ACP3: variants seen among roughly 807,000 people sequenced by gnomAD.
ACP3 encodes the protein prostatic acid phosphatase.
ACP3 carries 38 observed loss-of-function variants against 45.6 expected under a neutral mutation model. The observed-to-expected ratio is 0.83, with a 90% confidence interval of 0.64 to 1.09. The LOEUF (loss-of-function observed/expected upper bound fraction) is 1.09, where lower values mean the gene tolerates loss of function less well. ACP3 is among the 50% of genes least tolerant of loss of function. The pLI is 0.00. For synonymous variants in ACP3, 162 were observed against 164.7 expected (o/e 0.98, Z 0.13); for missense variants, 466 against 463.2 (o/e 1.01, Z -0.05).
rs1314536800 is a variant in ACP3 at position 132,358,401 on chromosome 3, C to G, written c.*1523C>G. On this transcript the variant is annotated 3_prime_UTR_variant, in exon 10 of 10. Coordinates refer to ENST00000336375, the MANE Select transcript of ACP3 (RefSeq NM_001099.5). The stretch of plus-strand genomic sequence containing the variant: ...TTTAATGCCGATATCTTCAGAAAAC[C>G]TAAGCAAACTTACAGGTCCTGCTGA... 4.0e-6 allele frequency: 5 copies of G among 1,252,870 alleles called. No homozygotes were observed. Among genetic ancestry groups the G allele is most frequent in the Non-Finnish European group, 5.2e-6 (5 of 966,376 alleles). 77.6% of individuals were successfully genotyped at this position (1,252,870 alleles called of 1,614,324 possible).
rs372370624 is a variant in ACP3, at chr3:132,327,715, C to T, written c.121-552C>T. ...GCGCCTGTAGTCCCAGCTACTCAGG[C>T]GGCTGAGGCAGGAGAATTGCTTGAA... On this transcript the variant is annotated intron_variant, in intron 1 of 9. Coordinates refer to ENST00000336375, the MANE Select transcript of ACP3 (RefSeq NM_001099.5). Among the ~76,000 whole-genome samples, 25 of 150,994 alleles carry T rather than the reference C, an allele frequency of 1.7e-4. 2 individuals carry two copies. Among genetic ancestry groups the T allele is most frequent in the Admixed American group, 4.6e-4 (7 of 15,152 alleles).
At position 132,358,537 on chromosome 3, in the gene ACP3, T is replaced by G. The variant is rs1804132; in HGVS notation, c.*1659T>G. 2.6e-6 allele frequency: 3 copies of G among 1,175,568 alleles called. No individual in the cohort carries two copies. Among genetic ancestry groups the G allele is most frequent in the Non-Finnish European group, 3.3e-6 (3 of 919,412 alleles). The allele number at this position is 1,175,568 out of a possible 1,614,324, so 72.8% of individuals were successfully genotyped here. On this transcript the variant is annotated 3_prime_UTR_variant, in exon 10 of 10. Transcript: ENST00000336375. ...CATTATGGATAAAGATGAGATGGTTTCTAGAGATGGTTTCTACTGGCTGCC... is the reference window on the plus strand; with the variant it reads ...CATTATGGATAAAGATGAGATGGTTGCTAGAGATGGTTTCTACTGGCTGCC...
chr3:132,347,197 C>T (rs1353127997), intron 7 of ACP3, among the ~76,000 whole-genome samples: 1 of 152,224 alleles, frequency 6.6e-6, no homozygotes, highest in Non-Finnish European at 1.5e-5. Flanking sequence ...AACCAGCTGT[C>T]CTGCTTTCTG....
At chr3:132,350,732 C>T (rs1304190779) in intron 8 of ACP3, among the ~76,000 whole-genome samples, 1 of 152,172 alleles carries the variant, frequency 6.6e-6, no homozygotes, top group East Asian at 1.9e-4. Context: ...TGTCCTGCTG[C>T]TTCTTTGTTT....
At chr3:132,339,474 C>T (rs866966094) in intron 5 of ACP3, among the ~76,000 whole-genome samples, 4 of 152,212 alleles carry the variant, frequency 2.6e-5, no homozygotes, top group Admixed American at 6.5e-5. Context: ...ACCCCCAACC[C>T]GCCACCTCAG....
At chr3:132,332,050 GTAT>G (rs1937407756) in intron 3 of ACP3, 139 bp from the exon 4 acceptor site, 17 of 999,336 alleles carry the variant, frequency 1.7e-5, no homozygotes, top group Non-Finnish European at 2.5e-5. Context: ...TCCTTAACAA[GTAT>G]TATGATTCTG....
At chr3:132,332,022 G>C (rs931238355) in intron 3 of ACP3, among the ~76,000 whole-genome samples, 170 bp from the exon 4 acceptor site, 1 of 152,184 alleles carries the variant, frequency 6.6e-6, no homozygotes, top group African/African-American at 2.4e-5. Flanking sequence ...TTTGTACCAT[G>C]ATCATAATAT....
rs769347466 is a variant in ACP3 at position 132,352,752 on chromosome 3, G to A, written c.897G>A (p.Ala299=). 1.7e-5 allele frequency: 28 copies of A among 1,613,680 alleles called. No homozygotes were observed. The highest frequency in any genetic ancestry group is 6.7e-5 in the Admixed American group (4 of 59,996). The change falls in exon 9 of 10, where the codon GCG becomes GCA. Residue 299 remains alanine (A), a synonymous_variant. Coordinates refer to ENST00000336375, the MANE Select transcript of ACP3 (RefSeq NM_001099.5). ...HDTTVSGLQM[A]LDVYNGLLPP... ...CTACTGTGAGTGGCCTACAGATGGCGCTAGATGTTTACAACGGACTCCTTC... is the reference window on the plus strand; with the variant it reads ...CTACTGTGAGTGGCCTACAGATGGCACTAGATGTTTACAACGGACTCCTTC...
At chr3:132,330,832 T>C (rs1937386935) in intron 2 of ACP3, among the ~76,000 whole-genome samples, 1 of 152,194 alleles carries the variant, frequency 6.6e-6, no homozygotes, top group East Asian at 1.9e-4. Context: ...TACATGCATC[T>C]GAATCACTTG....
chr3:132,338,689 GT>G (rs1937520831), intron 5 of ACP3, among the ~76,000 whole-genome samples: 1 of 152,160 alleles, frequency 6.6e-6, no homozygotes. Flanking sequence ...TGCCAATCTG[GT>G]AAGTGGAAAA....
At chr3:132,323,339 T>C (rs1359141019) in intron 1 of ACP3, among the ~76,000 whole-genome samples, 1 of 152,322 alleles carries the variant, frequency 6.6e-6, no homozygotes, top group African/African-American at 2.4e-5. Context: ...TATTACTATG[T>C]TCCAGGCACT....
intron 8 of ACP3, among the ~76,000 whole-genome samples, chr3:132,351,237 G>C (rs1184907948): frequency 6.6e-6 from 1 of 152,174 alleles, no homozygotes; most frequent in Non-Finnish European, 1.5e-5. Flanking sequence ...AGCTACATTT[G>C]GGAGTAGAAA....
chr3:132,356,599 C>G (rs1937903876), intron 9 of ACP3, 87 bp from the exon 10 acceptor site: 1 of 1,598,404 alleles, frequency 6.3e-7, no homozygotes, highest in Non-Finnish European at 8.5e-7. Context: ...CCTCAACTGG[C>G]ATGTAATAGT....
At chr3:132,360,665 T>G (rs962480061), downstream of ACP3, among the ~76,000 whole-genome samples, 1 of 152,250 alleles carries the variant, frequency 6.6e-6, no homozygotes, top group African/African-American at 2.4e-5. Flanking sequence ...CATTCAGACT[T>G]TCTTCACTAG....
At chr3:132,325,022 T>G (rs1197482438) in intron 1 of ACP3, among the ~76,000 whole-genome samples, 1 of 152,232 alleles carries the variant, frequency 6.6e-6, no homozygotes, top group Non-Finnish European at 1.5e-5. Context: ...TAAAGTATTT[T>G]TAGGTTTTTA....
intron 6 of ACP3, 51 bp from the exon 7 acceptor site, chr3:132,344,876 G>T (rs945776077): frequency 2.7e-5 from 43 of 1,594,858 alleles, no homozygotes; most frequent in Admixed American, 2.4e-4. Context: ...TCAACAAAGA[G>T]GACAGTCATA....
intron 4 of ACP3, among the ~76,000 whole-genome samples, chr3:132,333,718 T>A (rs1401907797): frequency 1.3e-5 from 2 of 152,210 alleles, no homozygotes; most frequent in African/African-American, 4.8e-5. Context: ...GTGTTAAGCA[T>A]TTGTGAATAT....
intron 4 of ACP3, among the ~76,000 whole-genome samples, chr3:132,337,165 G>A (rs941472913): frequency 1.1e-4 from 16 of 151,992 alleles, no homozygotes; most frequent in South Asian, 2.1e-4. Flanking sequence ...AGTTATTCAC[G>A]TGGAAGATCG....
At chr3:132,367,762 A>G (rs747138234) in exon 11 of ACP3, 1 of 1,613,818 alleles carries the variant, frequency 6.2e-7, no homozygotes, top group Middle Eastern at 1.6e-4. Flanking sequence ...TAATGGTACT[A>G]CTGTTTATCC....
Sources: gnomAD v4.1 joint callset for allele counts (sites outside exome capture counted in the v4.1 genomes callset) on GRCh38, gnomAD v4.1.1 for gene constraint, MANE v1.5 for transcripts, NCBI Gene and HGNC (gene_info 2026-07-23, HGNC 2026-07-21) for gene names.